The following KIAA1549L variants were observed in gnomAD, a reference collection of about 807,000 sequenced individuals.
The protein encoded by KIAA1549L is UPF0606 protein KIAA1549L.
Under a neutral mutation model 160.7 loss-of-function variants are expected in KIAA1549L, and 88 were observed. The observed-to-expected ratio is 0.55, with a 90% CI of 0.46 to 0.65. The LOEUF (loss-of-function observed/expected upper bound fraction) is 0.65. KIAA1549L is among the 30% of genes least tolerant of loss of function. The pLI is 0.00. For synonymous variants in KIAA1549L, 950 were observed against 976.7 expected, an observed-to-expected ratio of 0.97 and a Z score of 0.51; for missense variants, 2,258 against 2,437.5, an observed-to-expected ratio of 0.93 and a Z score of 1.55.
intron 12 of KIAA1549L, among the ~76,000 whole-genome samples, chr11:33,597,594 G>A (rs1441588274): frequency 6.6e-6 from 1 of 152,220 alleles, no homozygotes; most frequent in African/African-American, 2.4e-5. Context: ...CTCCCACAGT[G>A]GGGAGGCAGT....
chr11:33,607,679 G>C (rs1384424377), intron 14 of KIAA1549L, among the ~76,000 whole-genome samples: 1 of 152,166 alleles, frequency 6.6e-6, no homozygotes, highest in Non-Finnish European at 1.5e-5. Flanking sequence ...CAAGAGGTGG[G>C]AGATTTCCAA....
At chr11:33,633,858 A>T (rs1388936003) in intron 16 of KIAA1549L, among the ~76,000 whole-genome samples, 1 of 152,174 alleles carries the variant, frequency 6.6e-6, no homozygotes, top group East Asian at 1.9e-4. Flanking sequence ...TAGTGTTCTC[A>T]TCTGTAAAAT....
intron 6 of KIAA1549L, 103 bp from the exon 7 acceptor site, chr11:33,559,646 T>G (rs1286628004): frequency 5.7e-6 from 5 of 877,612 alleles, no homozygotes; most frequent in Non-Finnish European, 9.2e-6. Context: ...CTTTCATTCC[T>G]TCCCTCAACT....
rs377476148 is a variant in KIAA1549L, at chr11:33,545,096, C to A, written c.3103C>A (p.Leu1035Met). 3.2e-5 allele frequency: 51 copies of A among 1,613,910 alleles called. 1 individual carries two copies. In the Middle Eastern group the frequency reaches 6.6e-4, roughly 21 times the overall value. Residue 1035 changes from leucine to methionine, a missense_variant, in exon 3 of 21, where the codon CTG becomes ATG. Around this residue, in one of 6 missense-constraint regions of KIAA1549L, gnomAD observed 1,359 missense variants for 1,546.6 expected, o/e 0.88. Transcript: ENST00000658780. ...MQGNMDTASG[L>M]LSTTYLPRKP... ...AGGAAACATGGACACTGCCTCTGGC[C>A]TGTTGTCTACAACTTACCTCCCCAG... is the stretch of plus-strand genomic sequence containing the variant.
intron 1 of KIAA1549L, among the ~76,000 whole-genome samples, chr11:33,536,520 A>G (rs1453914371): frequency 6.6e-6 from 1 of 152,152 alleles, no homozygotes; most frequent in Non-Finnish European, 1.5e-5. Context: ...GAGAGGGAAC[A>G]TCCCAAGAGC....
intron 1 of KIAA1549L, among the ~76,000 whole-genome samples, chr11:33,396,093 T>C (rs991458208): frequency 8.5e-5 from 13 of 152,182 alleles, no homozygotes; most frequent in Admixed American, 5.2e-4. Flanking sequence ...GTGTCTTTGC[T>C]AGTTATTATG....
rs1855112708 is a variant in KIAA1549L at position 33,568,117 on chromosome 11, C to T, written c.4120C>T (p.Gln1374Ter). Residue 1374 changes from glutamine to a stop codon, truncating the protein, a stop_gained, in exon 9 of 21, where the codon CAG (glutamine) becomes TAG (stop). Transcript: ENST00000658780. LOFTEE classifies it high-confidence loss of function. ...VDNSLVGLHNQSFARVMEQRL... is the reference protein window; with the variant it reads ...VDNSLVGLHN ...CAATTCGCTGGTGGGCCTGCACAAC[C>T]AGAGCTTTGCCCGGGTCATGGAGCA... The T allele has an allele frequency of 6.2e-7, 1 of 1,612,686 alleles. No homozygotes were observed. The highest frequency in any genetic ancestry group is 1.1e-5 in the South Asian group (1 of 90,714).
In KIAA1549L at chr11:33,446,393, C is replaced by T. The variant is rs182275854; in HGVS notation, c.238+69504C>T. Among the ~76,000 whole-genome samples the T allele has an allele frequency of 6.6e-5, 10 of 152,112 alleles. No individual in the cohort carries two copies. In the East Asian group the frequency reaches 7.7e-4, roughly 12 times the overall value. ...TACGGACATGAGCCACTGTGCTCGG[C>T]GTTTTTTGTTTTTTGTTTTTTTCCA... On this transcript the variant is annotated intron_variant, in intron 1 of 20. Coordinates refer to ENST00000658780, the MANE Select transcript of KIAA1549L (RefSeq NM_012194.3).
chr11:33,465,206 G>A (rs540417175), intron 1 of KIAA1549L, among the ~76,000 whole-genome samples: 53 of 151,866 alleles, frequency 3.5e-4, no homozygotes, highest in African/African-American at 1.1e-3. Context: ...GTAGGCTCAC[G>A]CCACCATGCC....
chr11:33,633,059 T>TC (rs1329168014), intron 16 of KIAA1549L, among the ~76,000 whole-genome samples: 1 of 142,506 alleles, frequency 7.0e-6, no homozygotes, highest in African/African-American at 2.6e-5. Context: ...CACTGCAACC[T>TC]CCACCTCCTG....
chr11:33,523,439 C>A (rs1183486196), intron 1 of KIAA1549L, among the ~76,000 whole-genome samples: 1 of 152,124 alleles, frequency 6.6e-6, no homozygotes, highest in African/African-American at 2.4e-5. Flanking sequence ...GAACATATGT[C>A]TTGACATGAT....
chr11:33,404,837 G>A (rs968960717), intron 1 of KIAA1549L, among the ~76,000 whole-genome samples: 3 of 151,338 alleles, frequency 2.0e-5, no homozygotes, highest in African/African-American at 7.3e-5. Flanking sequence ...TGGTGAAACC[G>A]GTCTCTAATA....
At chr11:33,540,576 G>GA (rs538137159) in intron 1 of KIAA1549L, among the ~76,000 whole-genome samples, 113 of 152,300 alleles carry the variant, frequency 7.4e-4, no homozygotes, top group Non-Finnish European at 9.4e-4. Flanking sequence ...TCTGAGGGGG[G>GA]AATACCTCCT....
At chr11:33,522,970 T>C (rs1853531851) in intron 1 of KIAA1549L, among the ~76,000 whole-genome samples, 1 of 152,212 alleles carries the variant, frequency 6.6e-6, no homozygotes, top group Non-Finnish European at 1.5e-5. Flanking sequence ...TGCACATCCT[T>C]ATGTTGACTC....
chr11:33,494,533 A>G (rs1852770313), intron 1 of KIAA1549L, among the ~76,000 whole-genome samples: 1 of 152,230 alleles, frequency 6.6e-6, no homozygotes. Context: ...GCAAATGTAT[A>G]AATCAGGGAC....
In KIAA1549L at chr11:33,609,789, A is replaced by G. The variant is rs1486398507; in HGVS notation, c.5102A>G (p.Tyr1701Cys). 3 of 1,612,726 alleles carry G rather than the reference A, an allele frequency of 1.9e-6. No individual in the cohort carries two copies. Among genetic ancestry groups the G allele is most frequent in the African/African-American group, 1.3e-5 (1 of 74,908 alleles). Residue 1701 changes from tyrosine (Y) to cysteine (C), a missense_variant, in exon 15 of 21, where the codon TAT becomes TGT. By Grantham distance (194) the Tyr-to-Cys change is radical. This residue lies in a region of KIAA1549L where 1,359 missense variants were observed against 1,546.6 expected (regional missense o/e 0.88). Transcript: ENST00000658780. ...AAGCAGAAGTCAGACATCGAGCACT[A>G]TCGGAACAAGCTGCGCCTCAAAGCC... ...ALKQKSDIEHYRNKLRLKAKR... is the reference protein window; with the variant it reads ...ALKQKSDIEHCRNKLRLKAKR...
chr11:33,399,286 G>GT (rs1850450616), intron 1 of KIAA1549L, among the ~76,000 whole-genome samples: 4 of 152,020 alleles, frequency 2.6e-5, no homozygotes, highest in African/African-American at 9.7e-5. Flanking sequence ...AGATTTTTGT[G>GT]TTTTGGGGTG....
intron 1 of KIAA1549L, among the ~76,000 whole-genome samples, chr11:33,532,397 T>C (rs1379729707): frequency 6.6e-6 from 1 of 152,180 alleles, no homozygotes; most frequent in Admixed American, 6.5e-5. Flanking sequence ...ATGATAATAA[T>C]AACAGCAACA....
At chr11:33,389,176 G>A (rs962349414) in intron 1 of KIAA1549L, among the ~76,000 whole-genome samples, 4 of 152,210 alleles carry the variant, frequency 2.6e-5, no homozygotes, top group Admixed American at 2.0e-4. Context: ...CATGAAATAT[G>A]GAATGAAGTA....
Sources: allele counts gnomAD v4.1 joint callset (sites outside exome capture counted in the v4.1 genomes callset), GRCh38; gene constraint gnomAD v4.1.1; regional missense constraint gnomAD v4.1.1; transcripts MANE v1.5; gene names NCBI Gene and HGNC (gene_info 2026-07-23, HGNC 2026-07-21).